The following ACAT1 variants were observed in gnomAD, a reference collection of about 807,000 sequenced individuals.
ACAT1 encodes acetyl-CoA acetyltransferase, mitochondrial.
In ACAT1, 28 loss-of-function variants were observed where a neutral mutation model predicts 47.3. The ratio of observed to expected loss-of-function variants is 0.59; its 90% CI spans 0.44 to 0.81. ACAT1 has a LOEUF of 0.81. Ranked by LOEUF, ACAT1 falls within the 30% of genes least tolerant of loss-of-function variation. ACAT1 has a pLI of 0.00. For synonymous variants in ACAT1, 181 were observed against 173.6 expected, an observed-to-expected ratio of 1.04 and a Z score of -0.34; for missense variants, 469 against 524.3, an observed-to-expected ratio of 0.89 and a Z score of 1.03.
intron 3 of ACAT1, 42 bp downstream of exon 3, chr11:108,133,979 A>G: frequency 6.6e-7 from 1 of 1,525,558 alleles, no homozygotes; most frequent in Non-Finnish European, 9.1e-7. Context: ...GAGCAAAAAG[A>G]TTCCATGGAA....
At chr11:108,130,845 G>C (rs1036727975) in intron 1 of ACAT1, among the ~76,000 whole-genome samples, 2 of 152,200 alleles carry the variant, frequency 1.3e-5, no homozygotes. Flanking sequence ...CGCCTCCTGG[G>C]TTCAAGCAAT....
Position 108,126,405 on chromosome 11 carries a change from T to C in ACAT1, c.72+4727T>C, listed in dbSNP as rs118080135. Among the ~76,000 whole-genome samples, 1,194 of 152,308 alleles carry C rather than the reference T, an allele frequency of 7.8e-3. 9 individuals are homozygous for C. Among genetic ancestry groups the C allele is most frequent in the Non-Finnish European group, 0.014 (919 of 68,030 alleles). ...AGTGGCTGGCACAGAGCAAGAGTGA[T>C]GTAAATTTGGAGAGAAAACCTAGAG... is the stretch of plus-strand genomic sequence containing the variant. On this transcript the variant is annotated intron_variant, in intron 1 of 11. Coordinates refer to ENST00000265838, the MANE Select transcript of ACAT1 (RefSeq NM_000019.4).
intron 9 of ACAT1, 62 bp downstream of exon 9, chr11:108,142,612 G>A (rs763005358): frequency 4.4e-6 from 6 of 1,359,662 alleles, no homozygotes; most frequent in Non-Finnish European, 6.3e-6. Context: ...TGAGGTGGGA[G>A]GATTGCTTGA....
chr11:108,132,868 A>AG (rs1191113981), intron 2 of ACAT1, among the ~76,000 whole-genome samples: 1 of 147,428 alleles, frequency 6.8e-6, no homozygotes, highest in East Asian at 2.0e-4. Context: ...AAAAAAAAAA[A>AG]AAAAAAAAAA....
upstream of ACAT1, among the ~76,000 whole-genome samples, chr11:108,117,707 C>T (rs186197155): frequency 1.3e-5 from 2 of 152,186 alleles, no homozygotes; most frequent in East Asian, 1.9e-4. Flanking sequence ...AGAAGTTGTT[C>T]GTTGTAGAAG....
At chr11:108,134,586 CAAGA>C (rs1565289033) in intron 4 of ACAT1, 3 of 238,334 alleles carry the variant, frequency 1.3e-5, no homozygotes, top group Non-Finnish European at 1.6e-5. Context: ...TGCAGTGAGC[CAAGA>C]TTGCACCATT....
At chr11:108,139,753 T>G (rs1431497172) in intron 6 of ACAT1, among the ~76,000 whole-genome samples, 2 of 152,006 alleles carry the variant, frequency 1.3e-5, no homozygotes, top group African/African-American at 4.8e-5. Context: ...CTCCGCCTCC[T>G]GGGCTCAAGC....
intron 5 of ACAT1, among the ~76,000 whole-genome samples, chr11:108,138,399 CTTTT>C (rs1351145995): frequency 2.1e-5 from 3 of 143,058 alleles, no homozygotes; most frequent in Non-Finnish European, 4.6e-5. Context: ...TCCGCCTCTA[CTTTT>C]TTTTTTTTTC....
intron 10 of ACAT1, among the ~76,000 whole-genome samples, chr11:108,144,552 G>A (rs73559266): frequency 6.6e-6 from 1 of 152,138 alleles, no homozygotes; most frequent in Non-Finnish European, 1.5e-5. Context: ...GGAAAAGAAA[G>A]TTTTAGGGGT....
chr11:108,121,850 AC>A (rs747512725), intron 1 of ACAT1, 172 bp downstream of exon 1: 2 of 649,606 alleles, frequency 3.1e-6, no homozygotes, highest in Non-Finnish European at 5.3e-6. Context: ...CTCCGATAAC[AC>A]CCAGGGACTC....
At chr11:108,134,364 G>A (rs767472654) in intron 4 of ACAT1, 48 bp downstream of exon 4, 8 of 1,482,116 alleles carry the variant, frequency 5.4e-6, no homozygotes, top group Non-Finnish European at 7.5e-6. Flanking sequence ...TGTAAAAGGG[G>A]CCGGGTGCGG....
chr11:108,134,040 A>T (rs2077413341), intron 3 of ACAT1, 103 bp downstream of exon 3: 1 of 1,207,380 alleles, frequency 8.3e-7, no homozygotes. Flanking sequence ...AAATAACTTA[A>T]TGCCTACATT....
chr11:108,117,686 C>G (rs934696992), upstream of ACAT1, among the ~76,000 whole-genome samples: 1 of 152,108 alleles, frequency 6.6e-6, no homozygotes, highest in Admixed American at 6.5e-5. Context: ...TTCCAGTAGT[C>G]TAAGTTTGAC....
At chr11:108,133,687 C>A in intron 2 of ACAT1, 133 bp from the exon 3 acceptor site, 1 of 724,628 alleles carries the variant, frequency 1.4e-6, no homozygotes, top group Non-Finnish European at 2.4e-6. Flanking sequence ...ATCTTGACAG[C>A]TGTTCAACTA....
chr11:108,124,040 C>T (rs983222980), intron 1 of ACAT1, among the ~76,000 whole-genome samples: 1 of 152,168 alleles, frequency 6.6e-6, no homozygotes, highest in Non-Finnish European at 1.5e-5. Context: ...TATCAGCTGG[C>T]TTCTGGCTGG....
intron 10 of ACAT1, among the ~76,000 whole-genome samples, chr11:108,145,036 G>A (rs1377428399): frequency 6.6e-6 from 1 of 152,166 alleles, no homozygotes; most frequent in African/African-American, 2.4e-5. Context: ...TGGAGGAAGA[G>A]TTCCACGTTA....
At chr11:108,134,091 T>C in intron 3 of ACAT1, 130 bp from the exon 4 acceptor site, 1 of 1,163,520 alleles carries the variant, frequency 8.6e-7, no homozygotes, top group South Asian at 1.3e-5. Context: ...CTATACAGTT[T>C]AGATTGAAAC....
chr11:108,134,331 T>G lies in ACAT1; in HGVS notation c.334+15T>G. The G allele has an allele frequency of 7.5e-6, 12 of 1,606,998 alleles. No individual in the cohort carries two copies. Among genetic ancestry groups the G allele is most frequent in the Non-Finnish European group, 1.0e-5 (12 of 1,174,192 alleles). ...ATTGGGTGCAGGTACCTGGAAGACT[T>G]TTTTGCTTTTATACTTAAAATGTGT... On this transcript the variant is annotated intron_variant, in intron 4 of 11. Transcript: ENST00000265838.
intron 5 of ACAT1, chr11:108,136,033 A>T: frequency 1.6e-6 from 1 of 610,664 alleles, no homozygotes; most frequent in Non-Finnish European, 2.9e-6. Context: ...AGGCTTTCTA[A>T]TTAGCCTTGC....
Sources: allele counts gnomAD v4.1 joint callset (sites outside exome capture counted in the v4.1 genomes callset), GRCh38; gene constraint gnomAD v4.1.1; transcripts MANE v1.5; gene names NCBI Gene and HGNC (gene_info 2026-07-23, HGNC 2026-07-21).